Variants in FOXP1 observed in about 807,000 individuals in gnomAD.
The protein encoded by FOXP1 is forkhead box protein P1.
In FOXP1, 15 loss-of-function variants were observed where a neutral mutation model predicts 98.2. The ratio of observed to expected loss-of-function variants is 0.15; its 90% CI spans 0.10 to 0.24. FOXP1 has a LOEUF of 0.24. Ranked by LOEUF, FOXP1 falls within the 10% of genes least tolerant of loss-of-function variation. FOXP1 has a pLI of 1.00. For missense variants in FOXP1, 633 were observed against 848.5 expected (o/e 0.75, Z 3.15); for synonymous variants, 371 against 314.5 (o/e 1.18, Z -1.90).
intron 5 of FOXP1, among the ~76,000 whole-genome samples, chr3:71,294,492 G>T (rs2073077810): frequency 6.6e-6 from 1 of 152,048 alleles, no homozygotes; most frequent in Non-Finnish European, 1.5e-5. Flanking sequence ...TGCCCCTCTA[G>T]ACTATCAACT....
chr3:71,363,927 G>A (rs538229153), intron 3 of FOXP1, among the ~76,000 whole-genome samples: 4 of 152,202 alleles, frequency 2.6e-5, no homozygotes, highest in East Asian at 3.9e-4. Flanking sequence ...AGTAGAGAAT[G>A]CCTAGTTCCT....
At chr3:71,241,780 A>G (rs1049226283) in intron 5 of FOXP1, among the ~76,000 whole-genome samples, 3 of 152,252 alleles carry the variant, frequency 2.0e-5, no homozygotes, top group African/African-American at 7.2e-5. Context: ...ACAGGGCTCA[A>G]ATTAAATTAC....
intron 3 of FOXP1, among the ~76,000 whole-genome samples, chr3:71,433,816 G>C (rs577988376): frequency 1.3e-5 from 2 of 152,058 alleles, no homozygotes; most frequent in African/African-American, 4.8e-5. Context: ...TGCCCTGGTC[G>C]GCAGGCAAGC....
At chr3:71,182,514 G>T (rs905487612) in intron 6 of FOXP1, among the ~76,000 whole-genome samples, 4 of 147,930 alleles carry the variant, frequency 2.7e-5, no homozygotes, top group African/African-American at 1.0e-4. Flanking sequence ...GTGTGTGTGT[G>T]TGTGTGTGTG....
intron 3 of FOXP1, among the ~76,000 whole-genome samples, chr3:71,455,513 G>C (rs1360478973): frequency 6.6e-6 from 1 of 152,132 alleles, no homozygotes; most frequent in Non-Finnish European, 1.5e-5. Context: ...AGAAAAGACT[G>C]CTTTTGATAC....
intron 3 of FOXP1, among the ~76,000 whole-genome samples, chr3:71,384,069 A>C (rs1274922769): frequency 6.6e-6 from 1 of 152,162 alleles, no homozygotes; most frequent in Non-Finnish European, 1.5e-5. Context: ...ATACAAAAAA[A>C]TTAGCCAGGC....
At chr3:71,017,120 T>C (rs183362819) in intron 11 of FOXP1, among the ~76,000 whole-genome samples, 17 of 152,254 alleles carry the variant, frequency 1.1e-4, no homozygotes, top group Non-Finnish European at 1.6e-4. Context: ...GTAGCTATAG[T>C]GAGATTTATG....
At chr3:71,271,327 A>G (rs746049956) in intron 5 of FOXP1, among the ~76,000 whole-genome samples, 1 of 152,198 alleles carries the variant, frequency 6.6e-6, no homozygotes, top group Non-Finnish European at 1.5e-5. Context: ...AAAATTAACA[A>G]AGACTTCTTA....
intron 4 of FOXP1, among the ~76,000 whole-genome samples, chr3:71,342,484 G>A (rs1025784005): frequency 2.6e-5 from 4 of 152,108 alleles, no homozygotes; most frequent in African/African-American, 9.7e-5. Context: ...AGCCTGATCA[G>A]GAGTTCGAGA....
rs2082785753 is a variant in FOXP1 at position 71,411,974 on chromosome 3, C to T, written c.-167-52730G>A. Reference sequence around the variant, plus strand: ...CCAACACTGTGACTAAAAGTAAAGCCTAAAAGTCTCAAAAATGATGAAGAA... The same window carrying T: ...CCAACACTGTGACTAAAAGTAAAGCTTAAAAGTCTCAAAAATGATGAAGAA... On this transcript the variant is annotated intron_variant, in intron 3 of 20. Transcript: ENST00000649528. 2.0e-5 allele frequency among the ~76,000 whole-genome samples: 3 copies of T among 152,280 alleles called. No individual in the cohort carries two copies. In the South Asian group the frequency reaches 6.2e-4, roughly 32 times the overall value.
At chr3:71,341,711 A>C (rs1184164783) in intron 4 of FOXP1, among the ~76,000 whole-genome samples, 5 of 152,256 alleles carry the variant, frequency 3.3e-5, no homozygotes, top group Non-Finnish European at 7.3e-5. Context: ...AAGAAAAAGA[A>C]AAACAAAGAA....
intron 2 of FOXP1, among the ~76,000 whole-genome samples, chr3:71,577,815 T>G (rs997341491): frequency 1.3e-4 from 20 of 151,820 alleles, no homozygotes; most frequent in Non-Finnish European, 8.8e-5. Flanking sequence ...CTGCAAATAG[T>G]AAAAGTATAC....
chr3:71,282,383 C>T (rs1030359321), intron 5 of FOXP1, among the ~76,000 whole-genome samples: 1 of 151,664 alleles, frequency 6.6e-6, no homozygotes, highest in African/African-American at 2.4e-5. Flanking sequence ...TTTAAAAATA[C>T]TTTCCATATC....
At chr3:71,278,794 A>G (rs2107375695) in intron 5 of FOXP1, among the ~76,000 whole-genome samples, 1 of 152,214 alleles carries the variant, frequency 6.6e-6, no homozygotes, top group African/African-American at 2.4e-5. Flanking sequence ...AAACAAACAA[A>G]CAAACAATTC....
chr3:71,073,445 T>C (rs2053482457), intron 7 of FOXP1, among the ~76,000 whole-genome samples: 2 of 152,210 alleles, frequency 1.3e-5, no homozygotes, highest in Admixed American at 6.5e-5. Context: ...CCTGTCAACA[T>C]TCTTACGACA....
chr3:71,146,193 G>A (rs910569246), intron 6 of FOXP1, among the ~76,000 whole-genome samples: 6 of 152,184 alleles, frequency 3.9e-5, no homozygotes, highest in African/African-American at 9.7e-5. Context: ...ATGATGCCAC[G>A]TAAAGGTGAT....
chr3:71,559,329 T>C (rs576228660), intron 2 of FOXP1, among the ~76,000 whole-genome samples: 1 of 152,360 alleles, frequency 6.6e-6, no homozygotes, highest in South Asian at 2.1e-4. Flanking sequence ...ACTGATAGAA[T>C]GGACAACTGC....
intron 18 of FOXP1, chr3:70,971,975 C>CAGAAA (rs914883452): frequency 3.7e-6 from 5 of 1,347,570 alleles, no homozygotes; most frequent in Non-Finnish European, 3.8e-6. Context: ...AAAGCAACAG[C>CAGAAA]AGAAAAAAAA....
At chr3:71,049,834 T>C (rs1331077203) in intron 9 of FOXP1, among the ~76,000 whole-genome samples, 1 of 152,154 alleles carries the variant, frequency 6.6e-6, no homozygotes, top group African/African-American at 2.4e-5. Context: ...ACCTGCATGA[T>C]AATTCCAGGA....
Sources: gnomAD v4.1 joint callset for allele counts (sites outside exome capture counted in the v4.1 genomes callset) on GRCh38, gnomAD v4.1.1 for gene constraint, MANE v1.5 for transcripts, NCBI Gene and HGNC (gene_info 2026-07-23, HGNC 2026-07-21) for gene names.